CADPS: variants seen among roughly 807,000 people sequenced by gnomAD.
CADPS encodes calcium-dependent secretion activator 1.
Under a neutral mutation model 167.3 loss-of-function variants are expected in CADPS, and 57 were observed. The observed-to-expected ratio is 0.34, with a 90% CI of 0.28 to 0.42. The LOEUF (loss-of-function observed/expected upper bound fraction) is 0.42. Among genes scored for constraint, CADPS ranks in the 20% least tolerant of loss-of-function variants. CADPS has a pLI of 1.00. For missense variants in CADPS, 1,414 were observed against 1,738.1 expected, an observed-to-expected ratio of 0.81 and a Z score of 3.32; for synonymous variants, 676 against 635.3, an observed-to-expected ratio of 1.06 and a Z score of -0.96.
At chr3:62,786,398 T>G (rs899588001) in intron 1 of CADPS, among the ~76,000 whole-genome samples, 1 of 152,084 alleles carries the variant, frequency 6.6e-6, no homozygotes, top group African/African-American at 2.4e-5. Context: ...TTCCAGCATT[T>G]TGGGAGGCTG....
chr3:62,856,762 T>C (rs1241047545), intron 1 of CADPS, among the ~76,000 whole-genome samples: 1 of 151,810 alleles, frequency 6.6e-6, no homozygotes, highest in Non-Finnish European at 1.5e-5. Flanking sequence ...AGAGAGCAAA[T>C]AGATTTAATC....
chr3:62,552,911 G>A (rs966037164), intron 10 of CADPS, among the ~76,000 whole-genome samples: 3 of 152,160 alleles, frequency 2.0e-5, no homozygotes, highest in Non-Finnish European at 2.9e-5. Flanking sequence ...AGGATGATGT[G>A]TAGTTAGCAA....
chr3:62,742,947 C>A (rs1332322336), intron 3 of CADPS, among the ~76,000 whole-genome samples: 1 of 151,920 alleles, frequency 6.6e-6, no homozygotes, highest in African/African-American at 2.4e-5. Flanking sequence ...ACAAACAACC[C>A]AATTAAAAAG....
At chr3:62,627,681 C>T (rs2064363907) in intron 6 of CADPS, among the ~76,000 whole-genome samples, 1 of 152,082 alleles carries the variant, frequency 6.6e-6, no homozygotes, top group Non-Finnish European at 1.5e-5. Flanking sequence ...TGCTCACCTC[C>T]TAAGCTGTTA....
At chr3:62,689,065 A>T (rs1157291709) in intron 3 of CADPS, among the ~76,000 whole-genome samples, 1 of 152,114 alleles carries the variant, frequency 6.6e-6, no homozygotes, top group African/African-American at 2.4e-5. Context: ...GTGATTTGAC[A>T]GCTTTCAAGA....
At chr3:62,530,699 T>G in intron 13 of CADPS, 1 of 1,289,116 alleles carries the variant, frequency 7.8e-7, no homozygotes, top group Non-Finnish European at 1.0e-6. Flanking sequence ...TTTTCTTTTT[T>G]TGGATTCCTT....
chr3:62,589,964 C>T lies in CADPS; in HGVS notation c.1437+2673G>A, dbSNP rs577965494. Among the ~76,000 whole-genome samples the T allele has an allele frequency of 1.3e-4, 20 of 151,968 alleles. No homozygotes were observed. The East Asian group carries it at 3.3e-3, about 25-fold the overall frequency. Reference sequence around the variant, plus strand: ...TAGCACTTTGGGAGGCCGAGGCGGGCGGATCACTTCAGGTTAGCAGTTCAG... The same window carrying T: ...TAGCACTTTGGGAGGCCGAGGCGGGTGGATCACTTCAGGTTAGCAGTTCAG... On this transcript the variant is annotated intron_variant, in intron 7 of 29. Transcript: ENST00000383710.
At chr3:62,452,655 T>G (rs1203647204) in intron 26 of CADPS, among the ~76,000 whole-genome samples, 1 of 152,010 alleles carries the variant, frequency 6.6e-6, no homozygotes, top group Non-Finnish European at 1.5e-5. Flanking sequence ...GAAATAAAGG[T>G]GGATGGGTAC....
At chr3:62,845,501 A>C (rs1375330207) in intron 1 of CADPS, among the ~76,000 whole-genome samples, 1 of 152,220 alleles carries the variant, frequency 6.6e-6, no homozygotes, top group Admixed American at 6.5e-5. Flanking sequence ...TGAGGCCCAC[A>C]GCAAGTATTC....
At chr3:62,655,761 C>T (rs1482301671) in intron 4 of CADPS, among the ~76,000 whole-genome samples, 3 of 152,116 alleles carry the variant, frequency 2.0e-5, no homozygotes, top group Admixed American at 2.0e-4. Flanking sequence ...GTGCTAGACA[C>T]TGGAGCTCAC....
intron 6 of CADPS, among the ~76,000 whole-genome samples, chr3:62,637,802 C>T (rs1293679289): frequency 1.3e-5 from 2 of 152,142 alleles, no homozygotes; most frequent in Non-Finnish European, 2.9e-5. Flanking sequence ...TAAATAACTT[C>T]ACCTCTCTGG....
intron 28 of CADPS, among the ~76,000 whole-genome samples, chr3:62,417,279 T>TC (rs1560097889): frequency 4.9e-5 from 5 of 101,856 alleles, no homozygotes; most frequent in African/African-American, 1.9e-4. Flanking sequence ...TTTTACTCTT[T>TC]TTTTTTTTTT....
chr3:62,629,991 C>G (rs893181084), intron 6 of CADPS, among the ~76,000 whole-genome samples: 4 of 152,094 alleles, frequency 2.6e-5, no homozygotes, highest in Admixed American at 2.6e-4. Context: ...TTTCCCATCA[C>G]ACTACTCTGT....
chr3:62,519,535 T>C (rs762734249), intron 13 of CADPS, among the ~76,000 whole-genome samples: 2 of 152,188 alleles, frequency 1.3e-5, no homozygotes, highest in Non-Finnish European at 2.9e-5. Context: ...TTCTTCATAC[T>C]CTTCCAAAGA....
chr3:62,599,539 A>G (rs2148987306), intron 6 of CADPS, among the ~76,000 whole-genome samples: 1 of 99,506 alleles, frequency 1.0e-5, no homozygotes, highest in Admixed American at 1.7e-4. Flanking sequence ...TATTATATAT[A>G]TTATATATAA....
chr3:62,582,333 C>T (rs371294972), intron 8 of CADPS, among the ~76,000 whole-genome samples: 1 of 152,162 alleles, frequency 6.6e-6, no homozygotes, highest in African/African-American at 2.4e-5. Flanking sequence ...GTGGTCCCAG[C>T]TACTTGGGAA....
At chr3:62,694,825 C>T (rs1229942340) in intron 3 of CADPS, among the ~76,000 whole-genome samples, 3 of 152,048 alleles carry the variant, frequency 2.0e-5, no homozygotes, top group African/African-American at 7.2e-5. Flanking sequence ...AGTTATATTG[C>T]TGGTTAGGAG....
At position 62,715,753 on chromosome 3, in the gene CADPS, CTT is replaced by C. The variant is rs71123291; in HGVS notation, c.888+37686_888+37687del. ...ATTTCAATTTATAATGATTATAAAT[CTT>C]TTTTTTTTTTTTTTTTTTTGAGATG... On this transcript the variant is annotated intron_variant, in intron 3 of 29. Coordinates refer to ENST00000383710, the MANE Select transcript of CADPS (RefSeq NM_003716.4). Among the ~76,000 whole-genome samples the C allele has an allele frequency of 2.0e-3, 176 of 89,680 alleles. 1 individual carries two copies. Among genetic ancestry groups the C allele is most frequent in the Middle Eastern group, 7.8e-3 (1 of 128 alleles). 58.8% of individuals were successfully genotyped at this position (89,680 alleles called of 152,430 possible).
At chr3:62,838,065 T>C (rs1034589341) in intron 1 of CADPS, among the ~76,000 whole-genome samples, 9 of 152,214 alleles carry the variant, frequency 5.9e-5, no homozygotes, top group Non-Finnish European at 1.0e-4. Flanking sequence ...AATCCATCCA[T>C]ACGCTCTTCA....
Sources: allele counts gnomAD v4.1 joint callset (sites outside exome capture counted in the v4.1 genomes callset), GRCh38; gene constraint gnomAD v4.1.1; transcripts MANE v1.5; gene names NCBI Gene and HGNC (gene_info 2026-07-23, HGNC 2026-07-21).